The following ZCCHC7 variants were observed in gnomAD, a reference collection of about 807,000 sequenced individuals.
ZCCHC7 encodes the protein zinc finger CCHC domain-containing protein 7.
ZCCHC7 carries 35 observed loss-of-function variants against 52.0 expected under a neutral mutation model. The observed-to-expected ratio is 0.67, with a 90% CI of 0.51 to 0.89. The LOEUF is 0.89. Ranked by LOEUF, ZCCHC7 falls within the 40% of genes least tolerant of loss-of-function variation. The probability of loss-of-function intolerance (pLI) is 0.00; values close to 1 mark genes in which losing one functional copy is unlikely to be tolerated. For missense variants in ZCCHC7, 574 were observed against 649.1 expected (o/e 0.88, Z 1.26); for synonymous variants, 217 against 221.5 (o/e 0.98, Z 0.18).
At chr9:37,164,564 G>A (rs1821315004) in intron 2 of ZCCHC7, among the ~76,000 whole-genome samples, 1 of 151,944 alleles carries the variant, frequency 6.6e-6, no homozygotes, top group African/African-American at 2.4e-5. Context: ...AGAAAGAAAA[G>A]AAAAGAGAGA....
rs376987256 is a variant in ZCCHC7, at chr9:37,305,501, C to G, written c.781-43C>G. 5 of 1,605,140 alleles carry G rather than the reference C, an allele frequency of 3.1e-6. No homozygotes were observed. The Admixed American group carries it at 5.0e-5, about 16-fold the overall frequency. On this transcript the variant is annotated intron_variant, in intron 4 of 8. Coordinates refer to ENST00000336755, the MANE Select transcript of ZCCHC7 (RefSeq NM_032226.3). ...TTGAAAAACAAATACTAATCTTCTA[C>G]CTTTTGAGACTGAAGAGATTTTATG...
At chr9:37,272,220 T>A (rs960483049) in intron 2 of ZCCHC7, among the ~76,000 whole-genome samples, 14 of 152,210 alleles carry the variant, frequency 9.2e-5, no homozygotes, top group African/African-American at 3.4e-4. Context: ...TTTACTTTCA[T>A]AAATATCTGC....
chr9:37,279,411 A>T (rs1224360095), intron 2 of ZCCHC7, among the ~76,000 whole-genome samples: 3 of 147,512 alleles, frequency 2.0e-5, no homozygotes, highest in Non-Finnish European at 3.0e-5. Context: ...ACAGACACTT[A>T]AAAAAAAAAG....
At chr9:37,320,046 C>T (rs1829990139) in intron 5 of ZCCHC7, among the ~76,000 whole-genome samples, 2 of 152,228 alleles carry the variant, frequency 1.3e-5, no homozygotes, top group South Asian at 4.1e-4. Flanking sequence ...TATAGTAAGT[C>T]TTAAAATACA....
At position 37,304,272 on chromosome 9, in the gene ZCCHC7, G is replaced by T. The variant is rs150753001; in HGVS notation, c.739G>T (p.Asp247Tyr). 8.1e-6 allele frequency: 13 copies of T among 1,613,744 alleles called. No homozygotes were observed. Among genetic ancestry groups the T allele is most frequent in the Non-Finnish European group, 1.1e-5 (13 of 1,179,922 alleles). ...ANKNIICRNC[D>Y]KRGHLSKNCP... is the part of the protein sequence containing the mutation. ...CAAAAACATTATCTGTAGAAATTGT[G>T]ACAAACGTGGTCATTTATCAAAAAA... The change falls in exon 4 of 9, where the codon GAC (aspartate) becomes TAC (tyrosine). Residue 247 changes from aspartate to tyrosine, a missense_variant. Coordinates refer to ENST00000336755, the MANE Select transcript of ZCCHC7 (RefSeq NM_032226.3).
At chr9:37,249,209 A>G (rs2133385617) in intron 2 of ZCCHC7, among the ~76,000 whole-genome samples, 1 of 152,242 alleles carries the variant, frequency 6.6e-6, no homozygotes, top group East Asian at 1.9e-4. Context: ...GGTAGTGGGA[A>G]TTACTGGGTA....
intron 6 of ZCCHC7, among the ~76,000 whole-genome samples, chr9:37,329,260 C>T (rs1280736244): frequency 1.3e-5 from 2 of 151,650 alleles, no homozygotes; most frequent in East Asian, 1.9e-4. Flanking sequence ...TGATTATTTA[C>T]ACCTGTGTTC....
chr9:37,291,660 T>G (rs581124), intron 2 of ZCCHC7, among the ~76,000 whole-genome samples: 1 of 152,140 alleles, frequency 6.6e-6, no homozygotes. Context: ...GAAAATGTTT[T>G]ACAGTTTTTT....
intron 2 of ZCCHC7, among the ~76,000 whole-genome samples, chr9:37,137,587 T>C (rs1408334902): frequency 1.3e-5 from 2 of 152,218 alleles, no homozygotes; most frequent in Admixed American, 1.3e-4. Context: ...TTTCTCCCTG[T>C]TTTTTGCGTA....
In ZCCHC7 at chr9:37,357,280, G is replaced by A. The variant is rs747505673; in HGVS notation, c.*12G>A. The A allele has an allele frequency of 4.5e-6, 7 of 1,572,462 alleles. No homozygotes were observed. Among genetic ancestry groups the A allele is most frequent in the Non-Finnish European group, 5.1e-6 (6 of 1,166,116 alleles). On this transcript the variant is annotated 3_prime_UTR_variant, in exon 9 of 9. Transcript: ENST00000336755. ...AAAAAAAGTCTTAAGCCGTCAGGCA[G>A]CCTCTGATGTGGCTTTTCATTGTTC...
chr9:37,138,119 A>G (rs1457735095), intron 2 of ZCCHC7, among the ~76,000 whole-genome samples: 1 of 152,136 alleles, frequency 6.6e-6, no homozygotes, highest in Non-Finnish European at 1.5e-5. Context: ...GTAGCATGTC[A>G]CCTTACACTT....
chr9:37,136,527 G>C (rs1843004019), intron 2 of ZCCHC7, among the ~76,000 whole-genome samples: 5 of 149,470 alleles, frequency 3.3e-5, no homozygotes, highest in African/African-American at 1.2e-4. Flanking sequence ...TTGCAGTCAT[G>C]GCTCACTGTA....
intron 2 of ZCCHC7, chr9:37,186,905 G>T (rs1200864217): frequency 3.0e-6 from 1 of 333,288 alleles, no homozygotes; most frequent in Non-Finnish European, 5.8e-6. Context: ...CTTCTAATTT[G>T]GCACTTGATA....
intron 2 of ZCCHC7, among the ~76,000 whole-genome samples, chr9:37,244,910 A>G (rs1169803366): frequency 6.6e-6 from 1 of 151,946 alleles, no homozygotes; most frequent in Non-Finnish European, 1.5e-5. Context: ...AACATGATAG[A>G]TATATCTCAC....
At chr9:37,264,443 A>C (rs1037343456) in intron 2 of ZCCHC7, among the ~76,000 whole-genome samples, 2 of 136,366 alleles carry the variant, frequency 1.5e-5, no homozygotes, top group African/African-American at 2.9e-5. Context: ...GTACTGATGA[A>C]GATATTTTAA....
At chr9:37,236,161 C>T (rs1201891397) in intron 2 of ZCCHC7, among the ~76,000 whole-genome samples, 1 of 152,160 alleles carries the variant, frequency 6.6e-6, no homozygotes. Context: ...AATTTACATT[C>T]TCATCAGCAT....
chr9:37,156,632 T>C (rs1405083002), intron 2 of ZCCHC7, among the ~76,000 whole-genome samples: 3 of 152,230 alleles, frequency 2.0e-5, no homozygotes. Context: ...CTTTATAAAA[T>C]AAATCATCGT....
At chr9:37,223,562 G>GT (rs1440476568) in intron 2 of ZCCHC7, among the ~76,000 whole-genome samples, 1 of 152,118 alleles carries the variant, frequency 6.6e-6, no homozygotes, top group Non-Finnish European at 1.5e-5. Context: ...TTTGAAAATA[G>GT]TAACAATGGT....
chr9:37,206,505 C>T (rs1256416035), intron 2 of ZCCHC7, among the ~76,000 whole-genome samples: 1 of 152,066 alleles, frequency 6.6e-6, no homozygotes, highest in African/African-American at 2.4e-5. Flanking sequence ...GTATGTACCA[C>T]CACATCCAGC....
Sources: allele counts gnomAD v4.1 joint callset (sites outside exome capture counted in the v4.1 genomes callset), GRCh38; gene constraint gnomAD v4.1.1; transcripts MANE v1.5; gene names NCBI Gene and HGNC (gene_info 2026-07-23, HGNC 2026-07-21).